The following UXT variants were observed in gnomAD, a reference collection of about 807,000 sequenced individuals.
UXT encodes protein UXT.
For synonymous variants in UXT, 54 were observed against 52.8 expected (o/e 1.02, Z -0.10); for missense variants, 111 against 132.7 (o/e 0.84, Z 0.80).
chrX:47,654,495 C>T (rs930267269), intron 4 of UXT, among the ~76,000 whole-genome samples: 7 of 111,084 alleles, frequency 6.3e-5, no homozygotes, highest in Middle Eastern at 4.6e-3. Context: ...TGTGAGCCAC[C>T]GCGCCCGGCC....
At position 47,658,890 on chromosome X, in the gene UXT, G is replaced by T. The variant is rs367973918; in HGVS notation, c.74C>A (p.Thr25Lys). The T allele has an allele frequency of 4.9e-5, 58 of 1,178,732 alleles. No individual in the cohort carries two copies. The highest frequency in any genetic ancestry group is 6.4e-5 in the Non-Finnish European group (56 of 877,678). Reference sequence around the variant, plus strand: ...CTCGTAGCGCAGCACTTTCTCCCCCGTGGCCTCCACCGCCCGCCGCTTAGG... The same window carrying T: ...CTCGTAGCGCAGCACTTTCTCCCCCTTGGCCTCCACCGCCCGCCGCTTAGG... The change falls in exon 1 of 6, where the codon ACG becomes AAG. Residue 25 changes from threonine to lysine, a missense_variant. Coordinates refer to ENST00000335890, the MANE Select transcript of UXT (RefSeq NM_153477.3).
At chrX:47,653,954 T>C in intron 4 of UXT, 1 of 283,193 alleles carries the variant, frequency 3.5e-6, no homozygotes, top group Non-Finnish European at 4.8e-6. Flanking sequence ...AACAGAAGAA[T>C]GAACCTGATC....
chrX:47,654,188 T>G (rs1473840446), intron 4 of UXT: 15 of 493,240 alleles, frequency 3.0e-5, no homozygotes, highest in Non-Finnish European at 3.5e-5. Flanking sequence ...TAAGGCAGTG[T>G]GAATAGTCAT....
chrX:47,652,234 A>G, intron 4 of UXT, 90 bp from the exon 6 acceptor site: 1 of 876,602 alleles, frequency 1.1e-6, no homozygotes, highest in South Asian at 2.3e-5. Flanking sequence ...TATATCCTGG[A>G]TGATTTCCAC....
chrX:47,654,498 G>A, intron 4 of UXT, among the ~76,000 whole-genome samples: 1 of 111,096 alleles, frequency 9.0e-6, no homozygotes, highest in East Asian at 2.8e-4. Flanking sequence ...GAGCCACCGC[G>A]CCCGGCCGTT....
chrX:47,654,114 G>A, intron 4 of UXT: 1 of 746,905 alleles, frequency 1.3e-6, no homozygotes, highest in Non-Finnish European at 1.6e-6. Flanking sequence ...AAAGGGATAT[G>A]TTTATTACTG....
chrX:47,658,490 G>T (rs187073249), intron 1 of UXT, among the ~76,000 whole-genome samples: 2 of 112,265 alleles, frequency 1.8e-5, no homozygotes, highest in East Asian at 2.8e-4. Context: ...CCATTTCACA[G>T]AAGAGTAAAG....
chrX:47,653,784 G>A (rs911776604), intron 4 of UXT, among the ~76,000 whole-genome samples: 12 of 111,703 alleles, frequency 1.1e-4, no homozygotes, highest in African/African-American at 3.9e-4. Flanking sequence ...TGGCACAGAG[G>A]AGGCACCCAA....
At chrX:47,656,011 C>T (rs1004711758) in intron 4 of UXT, among the ~76,000 whole-genome samples, 7 of 111,298 alleles carry the variant, frequency 6.3e-5, no homozygotes, top group Non-Finnish European at 1.1e-4. Context: ...TTATGTATGG[C>T]CCAAGACAAA....
At position 47,657,631 on chromosome X, in the gene UXT, C is replaced by T; in HGVS notation, c.225G>A (p.Lys75=). 1 of 1,209,984 alleles carries T rather than the reference C, an allele frequency of 8.3e-7. No homozygotes were observed. Among genetic ancestry groups the T allele is most frequent in the Non-Finnish European group, 1.1e-6 (1 of 894,651 alleles). ...CCACCTGCATATATAACTCCGAGTG[C>T]TTAGCTTCCTGTGGGGCCAGGGAAA... The change falls in exon 3 of 6, where the codon AAG becomes AAA. Residue 75 remains lysine (K), a synonymous_variant. Transcript: ENST00000335890.
intron 1 of UXT, 109 bp downstream of exon 2, chrX:47,658,721 C>A: frequency 9.9e-7 from 1 of 1,009,502 alleles, no homozygotes; most frequent in Non-Finnish European, 1.3e-6. Context: ...AGCGCGGGGC[C>A]GGACTCTGAA....
rs2058085738 is a variant in UXT, at chrX:47,657,013, G to A, written c.392+170C>T. 1.6e-5 allele frequency: 7 copies of A among 433,459 alleles called. No individual in the cohort carries two copies. The Admixed American group carries it at 2.5e-4, about 16-fold the overall frequency. 35.7% of individuals were successfully genotyped at this position (433,459 alleles called of 1,213,427 possible). A position where few individuals can be genotyped will look rare whatever the true frequency, so the allele number is the denominator to read the frequency against. On this transcript the variant is annotated intron_variant, in intron 4 of 5. Coordinates refer to ENST00000335890, the MANE Select transcript of UXT (RefSeq NM_153477.3). Reference sequence around the variant, plus strand: ...GAACAATACAAAGATCATTTTTTGAGTGCTTATTATGTGCTACACATGGGC... The same window carrying A: ...GAACAATACAAAGATCATTTTTTGAATGCTTATTATGTGCTACACATGGGC...
At chrX:47,653,851 T>A (rs938609804) in intron 4 of UXT, among the ~76,000 whole-genome samples, 1 of 111,377 alleles carries the variant, frequency 9.0e-6, no homozygotes, top group East Asian at 2.8e-4. Context: ...GTTGGCTGAG[T>A]GTATGTTTAG....
chrX:47,653,697 C>A (rs752312505), intron 4 of UXT, among the ~76,000 whole-genome samples: 1 of 112,247 alleles, frequency 8.9e-6, no homozygotes, highest in Non-Finnish European at 1.9e-5. Flanking sequence ...TCTCCCCTGA[C>A]TAGAATGTCA....
rs946972185 is a variant in UXT at position 47,652,281 on chromosome X, C to T, written c.393-137G>A. 1.4e-5 allele frequency: 8 copies of T among 573,496 alleles called. No individual in the cohort carries two copies. In the African/African-American group the frequency reaches 1.8e-4, roughly 13 times the overall value. 47.3% of individuals were successfully genotyped at this position (573,496 alleles called of 1,213,427 possible). A position where few individuals can be genotyped will look rare whatever the true frequency, so the allele number is the denominator to read the frequency against. ...CTATGTGGAAATGCCAAGCCACCAT[C>T]TGGTTTTCACTGATTCAAAGATTAT... On this transcript the variant is annotated intron_variant, in intron 4 of 5. Coordinates refer to ENST00000335890, the MANE Select transcript of UXT (RefSeq NM_153477.3).
rs770946966 is a variant in UXT at position 47,657,643 on chromosome X, T to C, written c.217-4A>G. The stretch of plus-strand genomic sequence containing the variant: ...ATAACTCCGAGTGCTTAGCTTCCTG[T>C]GGGGCCAGGGAAAAAGAGGTAGGGG... On this transcript the variant is annotated splice_region_variant and splice_polypyrimidine_tract_variant and intron_variant, in intron 2 of 5. Transcript: ENST00000335890. 2 of 1,207,209 alleles carry C rather than the reference T, an allele frequency of 1.7e-6. No homozygotes were observed. The highest frequency in any genetic ancestry group is 1.8e-5 in the African/African-American group (1 of 56,748).
chrX:47,657,246 A>T lies in UXT; in HGVS notation c.329T>A (p.Phe110Tyr). ...AGCTTCTGCCAGTGTCAACTCCAGG[A>T]AAAAACCATATCCCAGGGCCACATA... Residue 110 changes from phenylalanine to tyrosine, a missense_variant, in exon 4 of 6, where the codon TTC (phenylalanine) becomes TAC (tyrosine). Coordinates refer to ENST00000335890, the MANE Select transcript of UXT (RefSeq NM_153477.3). The T allele has an allele frequency of 8.3e-7, 1 of 1,208,239 alleles. No individual in the cohort carries two copies. Among genetic ancestry groups the T allele is most frequent in the Non-Finnish European group, 1.1e-6 (1 of 893,625 alleles).
intron 4 of UXT, 77 bp from the exon 6 acceptor site, chrX:47,652,221 A>G: frequency 3.2e-6 from 3 of 936,385 alleles, no homozygotes; most frequent in Non-Finnish European, 4.5e-6. Flanking sequence ...TTCAAGATCT[A>G]CTTATATCCT....
Position 47,659,171 on chromosome X carries a change from G to T in UXT, c.-208C>A. The T allele has an allele frequency of 1.8e-6, 1 of 562,808 alleles. No homozygotes were observed. The highest frequency in any genetic ancestry group is 3.0e-6 in the Non-Finnish European group (1 of 336,005). 46.4% of individuals were successfully genotyped at this position (562,808 alleles called of 1,213,427 possible). On this transcript the variant is annotated 5_prime_UTR_variant, in exon 1 of 6. Coordinates refer to ENST00000335890, the MANE Select transcript of UXT (RefSeq NM_153477.3). ...GGAACCGCGGCTTCCGGGTGGCGCG[G>T]GTGAATGACGTAAGTGGCAAGCGCG...
Sources: gnomAD v4.1 joint callset for allele counts (sites outside exome capture counted in the v4.1 genomes callset) on GRCh38, gnomAD v4.1.1 for gene constraint, MANE v1.5 for transcripts, NCBI Gene and HGNC (gene_info 2026-07-23, HGNC 2026-07-21) for gene names.